The following SYT1 variants were observed in gnomAD, a reference collection of about 807,000 sequenced individuals.
SYT1 encodes the protein synaptotagmin-1.
In SYT1, 8 loss-of-function variants were observed where a neutral mutation model predicts 44.8. That is an observed-to-expected ratio of 0.18 (90% CI 0.10 to 0.32). The LOEUF is 0.32. Ranked by LOEUF, SYT1 falls within the 10% of genes least tolerant of loss-of-function variation. The probability of loss-of-function intolerance (pLI) is 1.00; values close to 1 mark genes in which losing one functional copy is unlikely to be tolerated. For synonymous variants in SYT1, 154 were observed against 188.8 expected (o/e 0.82, Z 1.51); for missense variants, 286 against 509.3 (o/e 0.56, Z 4.22).
At chr12:79,029,081 G>T (rs778468562) in intron 2 of SYT1, among the ~76,000 whole-genome samples, 4 of 151,180 alleles carry the variant, frequency 2.6e-5, no homozygotes. Flanking sequence ...TGTTTTTGAA[G>T]TCCTACATGG....
intron 1 of SYT1, among the ~76,000 whole-genome samples, chr12:78,958,171 C>A (rs1408121795): frequency 6.6e-6 from 1 of 152,042 alleles, no homozygotes; most frequent in Non-Finnish European, 1.5e-5. Context: ...GCTTCTGAAG[C>A]CCAGGTAGTT....
At position 79,076,312 on chromosome 12, in the gene SYT1, A is replaced by G. The variant is rs74110128; in HGVS notation, c.-18+28950A>G. ...GACCTGCTTCAGGGGAGAAAAATCA[A>G]AGGAAGGTGACCGTGACCTTCTTGC... On this transcript the variant is annotated intron_variant, in intron 3 of 10. Transcript: ENST00000261205. Among the ~76,000 whole-genome samples the G allele has an allele frequency of 9.5e-3, 1,445 of 152,230 alleles. 31 individuals are homozygous for G. The highest frequency in any genetic ancestry group is 0.032 in the African/African-American group (1,345 of 41,546).
intron 3 of SYT1, among the ~76,000 whole-genome samples, chr12:79,203,339 C>T (rs189367995): frequency 6.6e-6 from 1 of 152,296 alleles, no homozygotes; most frequent in Admixed American, 6.5e-5. Flanking sequence ...CAGATTCTCT[C>T]ATACTTACGA....
chr12:78,910,107 T>C (rs1876233504), intron 1 of SYT1, among the ~76,000 whole-genome samples: 1 of 151,942 alleles, frequency 6.6e-6, no homozygotes, highest in South Asian at 2.1e-4. Flanking sequence ...AATTAGAAAT[T>C]GCTTCCTCAC....
chr12:79,373,700 T>A (rs1375353842), intron 9 of SYT1, among the ~76,000 whole-genome samples: 4 of 152,150 alleles, frequency 2.6e-5, no homozygotes, highest in East Asian at 1.9e-4. Flanking sequence ...TCGACTGAAG[T>A]TTTTTATTTT....
chr12:79,398,306 T>A (rs1884947172), intron 9 of SYT1, among the ~76,000 whole-genome samples: 1 of 152,224 alleles, frequency 6.6e-6, no homozygotes, highest in Non-Finnish European at 1.5e-5. Context: ...TAGCAGTAGT[T>A]ATCTCATATT....
chr12:79,438,222 C>T (rs1786063553), intron 9 of SYT1, among the ~76,000 whole-genome samples: 1 of 151,902 alleles, frequency 6.6e-6, no homozygotes, highest in South Asian at 2.1e-4. Flanking sequence ...TCTCATATGC[C>T]ATATATGCCT....
At chr12:79,285,065 G>T (rs989155119) in intron 4 of SYT1, among the ~76,000 whole-genome samples, 4 of 152,034 alleles carry the variant, frequency 2.6e-5, no homozygotes, top group Admixed American at 2.6e-4. Context: ...TCTAAACCTG[G>T]GTTAAGAGCC....
intron 9 of SYT1, among the ~76,000 whole-genome samples, chr12:79,415,019 C>T (rs1027763633): frequency 6.6e-5 from 10 of 152,174 alleles, no homozygotes; most frequent in African/African-American, 2.4e-4. Context: ...GTTACCTGTA[C>T]CCAAAGGATT....
At chr12:79,273,615 C>G (rs1158550000) in intron 4 of SYT1, among the ~76,000 whole-genome samples, 10 of 152,140 alleles carry the variant, frequency 6.6e-5, no homozygotes, top group Non-Finnish European at 7.3e-5. Flanking sequence ...TAACCCTACC[C>G]AGCACTGAAG....
intron 1 of SYT1, among the ~76,000 whole-genome samples, chr12:78,914,923 C>G: frequency 6.6e-6 from 1 of 151,952 alleles, no homozygotes; most frequent in East Asian, 1.9e-4. Context: ...ATTAGTCATA[C>G]AGAATGTTTG....
chr12:79,007,265 T>G (rs143000992), intron 2 of SYT1, among the ~76,000 whole-genome samples: 46 of 152,304 alleles, frequency 3.0e-4, no homozygotes, highest in African/African-American at 1.1e-3. Flanking sequence ...TCCTCTGTGA[T>G]GCTTCGTTAA....
At chr12:79,199,693 TATAAC>T (rs1204253056) in intron 3 of SYT1, among the ~76,000 whole-genome samples, 2 of 152,152 alleles carry the variant, frequency 1.3e-5, no homozygotes, top group African/African-American at 2.4e-5. Flanking sequence ...TTTACTCCCT[TATAAC>T]AGAGTAATGC....
chr12:79,224,859 A>G (rs1217409293), intron 4 of SYT1, among the ~76,000 whole-genome samples: 3 of 151,206 alleles, frequency 2.0e-5, no homozygotes, highest in Admixed American at 2.0e-4. Flanking sequence ...AGCTCACTGC[A>G]ACCTCCATCT....
chr12:79,263,125 G>C (rs1877924637), intron 4 of SYT1, among the ~76,000 whole-genome samples: 1 of 152,126 alleles, frequency 6.6e-6, no homozygotes, highest in Admixed American at 6.5e-5. Flanking sequence ...AAAGAGTCAT[G>C]ATTAAAGAAA....
chr12:79,332,645 A>G (rs1273213413), intron 8 of SYT1, among the ~76,000 whole-genome samples: 1 of 152,224 alleles, frequency 6.6e-6, no homozygotes. Flanking sequence ...CTAAGAAAGT[A>G]TGAGTTTAAT....
intron 9 of SYT1, among the ~76,000 whole-genome samples, chr12:79,426,878 G>A (rs1450451677): frequency 6.6e-6 from 1 of 152,186 alleles, no homozygotes; most frequent in Non-Finnish European, 1.5e-5. Context: ...CATTGGGGGA[G>A]TTTCCCCCAT....
intron 1 of SYT1, among the ~76,000 whole-genome samples, chr12:78,915,693 T>C (rs1384770679): frequency 6.6e-6 from 1 of 150,408 alleles, no homozygotes; most frequent in Non-Finnish European, 1.5e-5. Context: ...ACAATATTTC[T>C]TTTTTTTCTA....
At chr12:79,417,436 T>G (rs988696998) in intron 9 of SYT1, among the ~76,000 whole-genome samples, 1 of 152,140 alleles carries the variant, frequency 6.6e-6, no homozygotes, top group Non-Finnish European at 1.5e-5. Context: ...GTTTAGGCCC[T>G]CACCACTTCT....
Sources: gnomAD v4.1 joint callset for allele counts (sites outside exome capture counted in the v4.1 genomes callset) on GRCh38, gnomAD v4.1.1 for gene constraint, MANE v1.5 for transcripts, NCBI Gene and HGNC (gene_info 2026-07-23, HGNC 2026-07-21) for gene names.